Variants in FAT1 observed in about 807,000 individuals in gnomAD.
The protein encoded by FAT1 is FAT atypical cadherin 1.
A neutral mutation model predicts 329.8 loss-of-function variants in FAT1; 171 were observed. The observed-to-expected ratio is 0.52, with a 90% CI of 0.46 to 0.59. The LOEUF (loss-of-function observed/expected upper bound fraction) is 0.59, where lower values mean the gene tolerates loss of function less well. Ranked by LOEUF, FAT1 falls within the 20% of genes least tolerant of loss-of-function variation. The pLI is 0.00. For missense variants in FAT1, 5,672 were observed against 5,774.4 expected (o/e 0.98, Z 0.57); for synonymous variants, 2,233 against 2,228.6 (o/e 1.00, Z -0.06).
At chr4:186,677,295 C>T (rs1023448442) in intron 2 of FAT1, among the ~76,000 whole-genome samples, 12 of 152,136 alleles carry the variant, frequency 7.9e-5, no homozygotes, top group Non-Finnish European at 1.6e-4. Flanking sequence ...AAGTGATTCA[C>T]GGACACTGAT....
intron 1 of FAT1, among the ~76,000 whole-genome samples, chr4:186,718,911 T>G (rs1745339634): frequency 1.3e-5 from 2 of 152,100 alleles, no homozygotes; most frequent in Non-Finnish European, 2.9e-5. Flanking sequence ...AATGACCTTT[T>G]CTCAGTGCTC....
At chr4:186,713,199 C>T (rs897156047) in intron 1 of FAT1, among the ~76,000 whole-genome samples, 4 of 152,036 alleles carry the variant, frequency 2.6e-5, no homozygotes, top group Non-Finnish European at 5.9e-5. Context: ...CCTTCCAAGA[C>T]ACCACCTTAC....
intron 3 of FAT1, among the ~76,000 whole-genome samples, chr4:186,659,082 C>A (rs912602000): frequency 2.0e-5 from 3 of 152,166 alleles, no homozygotes; most frequent in Non-Finnish European, 4.4e-5. Flanking sequence ...TTTTACTGCA[C>A]CTTTTCTACA....
intron 10 of FAT1, 38 bp from the exon 11 acceptor site, chr4:186,617,239 T>C: frequency 7.1e-7 from 1 of 1,403,828 alleles, no homozygotes; most frequent in Non-Finnish European, 9.7e-7. Context: ...ATCAAATTTG[T>C]TGAAAGGATA....
intron 2 of FAT1, among the ~76,000 whole-genome samples, chr4:186,701,614 C>T (rs1463340531): frequency 5.3e-5 from 8 of 152,200 alleles, no homozygotes; most frequent in Admixed American, 5.2e-4. Context: ...GCCAGGCTTC[C>T]AGCAGCCACC....
At chr4:186,655,787 A>C (rs1261965416) in intron 3 of FAT1, among the ~76,000 whole-genome samples, 1 of 152,248 alleles carries the variant, frequency 6.6e-6, no homozygotes, top group Non-Finnish European at 1.5e-5. Context: ...CCCAAGATGC[A>C]TATCCATGTA....
At chr4:186,705,688 T>C (rs1277889887) in intron 2 of FAT1, among the ~76,000 whole-genome samples, 1 of 152,188 alleles carries the variant, frequency 6.6e-6, no homozygotes, top group East Asian at 1.9e-4. Flanking sequence ...CCAGGACATA[T>C]TGACATATAA....
intron 7 of FAT1, among the ~76,000 whole-genome samples, chr4:186,631,655 C>T (rs1740599878): frequency 6.6e-6 from 1 of 150,450 alleles, no homozygotes; most frequent in South Asian, 2.1e-4. Context: ...CTGCGGTATC[C>T]TAGTCTCTCG....
In FAT1 at chr4:186,636,752, C is replaced by T. The variant is rs771418122; in HGVS notation, c.3805G>A (p.Glu1269Lys). The T allele has an allele frequency of 3.7e-6, 6 of 1,613,878 alleles. No homozygotes were observed. Among genetic ancestry groups the T allele is most frequent in the Non-Finnish European group, 5.1e-6 (6 of 1,179,868 alleles). The change falls in exon 5 of 27, where the codon GAG becomes AAG. Residue 1269 changes from glutamate (E) to lysine (K), a missense_variant. Transcript: ENST00000441802. ...GTGGCTATGACGTGATAGAGCGGCT[C>T]CCGTCTGGCATTTCTTTCTCGGTCT... Reference protein sequence around the residue: ...KPDRERNARREPLYHVIATDK... With the variant: ...KPDRERNARRKPLYHVIATDK...
At chr4:186,648,640 T>C (rs530624507) in intron 3 of FAT1, among the ~76,000 whole-genome samples, 1 of 152,268 alleles carries the variant, frequency 6.6e-6, no homozygotes, top group African/African-American at 2.4e-5. Context: ...GTGGAATAAT[T>C]TCCTGAAGGT....
At chr4:186,605,417 T>G (rs1218016597) in intron 17 of FAT1, among the ~76,000 whole-genome samples, 14 of 61,548 alleles carry the variant, frequency 2.3e-4, no homozygotes, top group African/African-American at 4.1e-4. Context: ...GGAAGTGGAG[T>G]AGGGAGGAGG....
chr4:186,595,599 T>G, intron 26 of FAT1, 90 bp downstream of exon 26: 1 of 1,426,008 alleles, frequency 7.0e-7, no homozygotes, highest in Non-Finnish European at 9.7e-7. Context: ...TGGTGAGGCT[T>G]TAAGGGTAGA....
rs189232814 is a variant in FAT1 at position 186,590,062 on chromosome 4, C to A, written c.13139-842G>T. 7.8e-3 allele frequency among the ~76,000 whole-genome samples: 1,193 copies of A among 152,106 alleles called. 8 individuals carry two copies. Among genetic ancestry groups the A allele is most frequent in the Non-Finnish European group, 0.012 (844 of 67,998 alleles). Reference sequence around the variant, plus strand: ...ACAGCCTCTGATACACTGTAACAATCAATCTGTGTTACTTCCAAAAGGACT... The same window carrying A: ...ACAGCCTCTGATACACTGTAACAATAAATCTGTGTTACTTCCAAAAGGACT... On this transcript the variant is annotated intron_variant, in intron 26 of 26. Coordinates refer to ENST00000441802, the MANE Select transcript of FAT1 (RefSeq NM_005245.4).
chr4:186,653,651 G>T (rs1741771662), intron 3 of FAT1, among the ~76,000 whole-genome samples: 1 of 152,122 alleles, frequency 6.6e-6, no homozygotes, highest in Non-Finnish European at 1.5e-5. Flanking sequence ...ATTTTTAAAT[G>T]GTTGAAAAAA....
intron 1 of FAT1, among the ~76,000 whole-genome samples, chr4:186,710,445 T>C (rs1434555839): frequency 6.6e-6 from 1 of 152,232 alleles, no homozygotes; most frequent in Non-Finnish European, 1.5e-5. Context: ...CCCTACATAA[T>C]GTAAGGGTTT....
In FAT1 at chr4:186,616,990, G is replaced by A; in HGVS notation, c.9075+15C>T. ...GAAATTCATAACACACAAATGTAAG[G>A]GAAGAGCTGCTTACCTTTTCACAAA... is the stretch of plus-strand genomic sequence containing the variant. On this transcript the variant is annotated intron_variant, in intron 11 of 26. Coordinates refer to ENST00000441802, the MANE Select transcript of FAT1 (RefSeq NM_005245.4). 6.2e-7 allele frequency: 1 copy of A among 1,602,858 alleles called. No homozygotes were observed. Among genetic ancestry groups the A allele is most frequent in the Non-Finnish European group, 8.5e-7 (1 of 1,174,150 alleles).
At position 186,620,780 on chromosome 4, in the gene FAT1, G is replaced by C. The variant is rs780270871; in HGVS notation, c.5806C>G (p.Leu1936Val). The change falls in exon 10 of 27, where the codon CTC (leucine) becomes GTC (valine). Residue 1936 changes from leucine (L) to valine (V), a missense_variant. Transcript: ENST00000441802. ...AACTGAGTTGTGTTTTGGACAGTGA[G>C]AGCACCAGTCTTGTAGTCCATAGAA... ...KFSMDYKTGA[L>V]TVQNTTQLRS... 1 of 1,613,896 alleles carries C rather than the reference G, an allele frequency of 6.2e-7. No individual in the cohort carries two copies. Among genetic ancestry groups the C allele is most frequent in the South Asian group, 1.1e-5 (1 of 91,084 alleles).
rs1190927120 is a variant in FAT1, at chr4:186,708,737, G to A, written c.1091C>T (p.Pro364Leu). ...GTAAACATCCTTTTCAAACTTGACTGGCCCGGCTTTGAACTGTGGAGAAGT... is the reference window on the plus strand; with the variant it reads ...GTAAACATCCTTTTCAAACTTGACTAGCCCGGCTTTGAACTGTGGAGAAGT... ...HVTSPQFKAG[P>L]VKFEKDVYRA... Residue 364 changes from proline to leucine, a missense_variant, in exon 2 of 27, where the codon CCA (proline) becomes CTA (leucine). Coordinates refer to ENST00000441802, the MANE Select transcript of FAT1 (RefSeq NM_005245.4). 1.5e-5 allele frequency: 25 copies of A among 1,613,958 alleles called. No homozygotes were observed. The highest frequency in any genetic ancestry group is 2.0e-5 in the Non-Finnish European group (24 of 1,179,878).
intron 2 of FAT1, among the ~76,000 whole-genome samples, chr4:186,686,314 G>A (rs1391636459): frequency 6.9e-6 from 1 of 145,952 alleles, no homozygotes. Flanking sequence ...TCATTTTATT[G>A]GTAAATCAGA....
Sources: gnomAD v4.1 joint callset for allele counts (sites outside exome capture counted in the v4.1 genomes callset) on GRCh38, gnomAD v4.1.1 for gene constraint, MANE v1.5 for transcripts, NCBI Gene and HGNC (gene_info 2026-07-23, HGNC 2026-07-21) for gene names.